NAP1L4: variants seen among roughly 807,000 people sequenced by gnomAD.
The protein encoded by NAP1L4 is nucleosome assembly protein 1-like 4.
Under a neutral mutation model 58.2 loss-of-function variants are expected in NAP1L4, and 15 were observed. That is an observed-to-expected ratio of 0.26 (90% CI 0.17 to 0.40). The LOEUF (loss-of-function observed/expected upper bound fraction) is 0.40. Among genes scored for constraint, NAP1L4 ranks in the 10% least tolerant of loss-of-function variants. The pLI is 1.00. For missense variants in NAP1L4, 384 were observed against 451.1 expected (o/e 0.85, Z 1.35); for synonymous variants, 171 against 155.6 (o/e 1.10, Z -0.74).
intron 8 of NAP1L4, among the ~76,000 whole-genome samples, chr11:2,963,362 A>C (rs1847062645): frequency 6.6e-6 from 1 of 152,160 alleles, no homozygotes; most frequent in Non-Finnish European, 1.5e-5. Flanking sequence ...GATAAAGTCT[A>C]AACAGAAGTG....
At chr11:2,990,042 A>T (rs1384780828) in intron 1 of NAP1L4, 2 of 152,218 alleles carry the variant, frequency 1.3e-5, no homozygotes, top group African/African-American at 4.8e-5. Context: ...CAAAGAATTC[A>T]ACCAATTTCT....
In NAP1L4 at chr11:2,971,475, A is replaced by G; in HGVS notation, c.375T>C (p.Ser125=). ...CCAATTTCTCTTCCTCTTCATTTTC[A>G]CTGTGCCATTCCGATTCCGCATCTG... ...EPTDAESEWH[S]ENEEEEKLAG... Residue 125 remains serine (S), a synonymous_variant, in exon 6 of 16, where the codon AGT becomes AGC. Transcript: ENST00000380542. The surrounding 1 kb of genome is among the most constrained non-coding windows in gnomAD (Gnocchi z 4.2). 6.2e-7 allele frequency: 1 copy of G among 1,613,830 alleles called. No homozygotes were observed. The highest frequency in any genetic ancestry group is 8.5e-7 in the Non-Finnish European group (1 of 1,179,988).
At position 2,976,046 on chromosome 11, in the gene NAP1L4, T is replaced by G. The variant is rs1214066320; in HGVS notation, c.151A>C (p.Thr51Pro). Reference sequence around the variant, plus strand: ...TACGTTTCGATGTAGCTGGAAGGGGTGTGAGGGACATTGTCAAGTCGCTCC... The same window carrying G: ...TACGTTTCGATGTAGCTGGAAGGGGGGTGAGGGACATTGTCAAGTCGCTCC... Reference protein sequence around the residue: ...LQERLDNVPHTPSSYIETLPK... With the variant: ...LQERLDNVPHPPSSYIETLPK... Residue 51 changes from threonine (T) to proline (P), a missense_variant, in exon 4 of 16, where the codon ACC becomes CCC. Thr to Pro is a conservative substitution (Grantham distance 38). This residue lies in a region of NAP1L4 where 84 missense variants were observed against 73.7 expected (regional missense o/e 1.14). Transcript: ENST00000380542. The G allele has an allele frequency of 6.2e-7, 1 of 1,613,818 alleles. No individual in the cohort carries two copies. Among genetic ancestry groups the G allele is most frequent in the Non-Finnish European group, 8.5e-7 (1 of 1,179,928 alleles).
chr11:2,983,721 T>C (rs962874756), intron 1 of NAP1L4: 4 of 151,832 alleles, frequency 2.6e-5, no homozygotes, highest in Non-Finnish European at 5.9e-5. Context: ...AGACACACAC[T>C]GAACAGCCTG....
chr11:2,965,682 A>G (rs1338208006), intron 7 of NAP1L4, among the ~76,000 whole-genome samples: 1 of 152,116 alleles, frequency 6.6e-6, no homozygotes, highest in African/African-American at 2.4e-5. Flanking sequence ...GGCACCCGCC[A>G]ACCATGCCCG....
intron 1 of NAP1L4, among the ~76,000 whole-genome samples, chr11:2,980,723 CCAA>C (rs1409539970): frequency 6.6e-6 from 1 of 151,948 alleles, no homozygotes; most frequent in Non-Finnish European, 1.5e-5. Flanking sequence ...TAGGGTAAAA[CCAA>C]CAACAAAAAA....
intron 2 of NAP1L4, 124 bp downstream of exon 2, chr11:2,979,083 T>C: frequency 1.0e-6 from 1 of 963,908 alleles, no homozygotes; most frequent in Middle Eastern, 2.2e-4. Flanking sequence ...ACACAAGAAA[T>C]GAGCCATCAG....
At position 2,951,534 on chromosome 11, in the gene NAP1L4, A is replaced by T. The variant is rs77813150; in HGVS notation, c.1066-219T>A. Among the ~76,000 whole-genome samples, 105 of 152,328 alleles carry T rather than the reference A, an allele frequency of 6.9e-4. No individual in the cohort carries two copies. In the East Asian group the frequency reaches 0.019, roughly 28 times the overall value. On this transcript the variant is annotated intron_variant, in intron 13 of 15. Transcript: ENST00000380542. This position sits in a 1 kb window ranked among gnomAD's most constrained non-coding sequence, Gnocchi z 4.0. The stretch of plus-strand genomic sequence containing the variant: ...AAGAAACAAAATTCTGAAAAAGTAG[A>T]TTTTGTTAAATGATTATTTTCTAAG...
At chr11:2,989,728 G>C (rs1017640973) in intron 1 of NAP1L4, 1 of 152,194 alleles carries the variant, frequency 6.6e-6, no homozygotes, top group Non-Finnish European at 1.5e-5. Context: ...TCAATAACAA[G>C]AGGCTACTAA....
chr11:2,963,440 G>A (rs554291660), intron 8 of NAP1L4, among the ~76,000 whole-genome samples: 2 of 152,178 alleles, frequency 1.3e-5, no homozygotes, highest in African/African-American at 2.4e-5. Flanking sequence ...ATCCCCTCTG[G>A]AGGGCAGCCC....
In NAP1L4 at chr11:2,954,417, A is replaced by C; in HGVS notation, c.1035+110T>G. On this transcript the variant is annotated intron_variant, in intron 12 of 15. Transcript: ENST00000380542. The surrounding 1 kb of genome is among the most constrained non-coding windows in gnomAD (Gnocchi z 4.8). ...GCTTGGACTACATATCTGGCTGATG[A>C]TGTAATAAAAAGATTAGGCATGGGG... The C allele has an allele frequency of 2.0e-6, 3 of 1,476,268 alleles. No individual in the cohort carries two copies. Among genetic ancestry groups the C allele is most frequent in the Non-Finnish European group, 2.8e-6 (3 of 1,060,914 alleles). The allele number at this position is 1,476,268 out of a possible 1,614,324, so 91.4% of individuals were successfully genotyped here. A position where few individuals can be genotyped will look rare whatever the true frequency, so the allele number is the denominator to read the frequency against.
intron 8 of NAP1L4, among the ~76,000 whole-genome samples, chr11:2,962,550 A>G (rs1212323185): frequency 6.6e-6 from 1 of 152,222 alleles, no homozygotes; most frequent in Non-Finnish European, 1.5e-5. Flanking sequence ...ACAAAGGAAA[A>G]AGAGTATGGG....
At chr11:2,958,672 A>T in intron 9 of NAP1L4, 128 bp from the exon 10 acceptor site, 4 of 892,414 alleles carry the variant, frequency 4.5e-6, no homozygotes, top group Non-Finnish European at 6.7e-6. Context: ...CTGCAAACCA[A>T]ATACAATGGC....
At chr11:2,972,991 T>C (rs567710389) in intron 4 of NAP1L4, among the ~76,000 whole-genome samples, 4 of 152,014 alleles carry the variant, frequency 2.6e-5, no homozygotes, top group African/African-American at 7.2e-5. Context: ...AAAAAAAAAA[T>C]TTATCCTAAT....
chr11:2,950,788 A>T (rs1357607939), intron 14 of NAP1L4, among the ~76,000 whole-genome samples: 1 of 152,190 alleles, frequency 6.6e-6, no homozygotes, highest in East Asian at 1.9e-4. Flanking sequence ...TCTGAGACAT[A>T]TGAGATATCT....
Position 2,965,416 on chromosome 11 carries a change from T to C in NAP1L4, c.535-665A>G, listed in dbSNP as rs189581134. 3.9e-5 allele frequency among the ~76,000 whole-genome samples: 6 copies of C among 152,320 alleles called. No homozygotes were observed. In the East Asian group the frequency reaches 9.6e-4, roughly 24 times the overall value. Reference sequence around the variant, plus strand: ...GCTGGTGATGGTACTTATTTGTGTATCTAAACACAGAGAAGGTACAGTAAG... The same window carrying C: ...GCTGGTGATGGTACTTATTTGTGTACCTAAACACAGAGAAGGTACAGTAAG... On this transcript the variant is annotated intron_variant, in intron 7 of 15. Coordinates refer to ENST00000380542, the MANE Select transcript of NAP1L4 (RefSeq NM_005969.4).
At chr11:2,966,271 C>A (rs1295184951) in intron 7 of NAP1L4, among the ~76,000 whole-genome samples, 1 of 152,176 alleles carries the variant, frequency 6.6e-6, no homozygotes, top group Non-Finnish European at 1.5e-5. Context: ...ACCATCACCT[C>A]AAACATTTAT....
At chr11:2,979,771 T>TAA (rs57640918) in intron 1 of NAP1L4, among the ~76,000 whole-genome samples, 13 of 146,874 alleles carry the variant, frequency 8.9e-5, no homozygotes, top group African/African-American at 2.8e-4. Context: ...AAACTCCATC[T>TAA]AAAAAAAAAA....
chr11:2,946,263 C>A lies in NAP1L4; in HGVS notation c.*33-617G>T, dbSNP rs965291499. On this transcript the variant is annotated intron_variant, in intron 15 of 15. Coordinates refer to ENST00000380542, the MANE Select transcript of NAP1L4 (RefSeq NM_005969.4). This position sits in a 1 kb window ranked among gnomAD's most constrained non-coding sequence, Gnocchi z 4.8. Reference sequence around the variant, plus strand: ...GCTCCATCTGTCACTCACTCTCCTTCACTCTCCTAACAGTCTCACCAAGGG... The same window carrying A: ...GCTCCATCTGTCACTCACTCTCCTTAACTCTCCTAACAGTCTCACCAAGGG... Among the ~76,000 whole-genome samples, 24 of 152,218 alleles carry A rather than the reference C, an allele frequency of 1.6e-4. No individual in the cohort carries two copies. The highest frequency in any genetic ancestry group is 2.2e-4 in the Non-Finnish European group (15 of 68,032).
Sources: gnomAD v4.1 joint callset for allele counts (sites outside exome capture counted in the v4.1 genomes callset) on GRCh38, gnomAD v4.1.1 for gene constraint, gnomAD v4.1.1 regional missense constraint, Gnocchi (gnomAD v3.1) non-coding constraint, MANE v1.5 for transcripts, NCBI Gene and HGNC (gene_info 2026-07-23, HGNC 2026-07-21) for gene names.